QRSL1: variants seen among roughly 807,000 people sequenced by gnomAD.
QRSL1 encodes the protein glutamyl-tRNA(Gln) amidotransferase subunit A, mitochondrial.
A neutral mutation model predicts 61.6 loss-of-function variants in QRSL1; 54 were observed. The ratio of observed to expected loss-of-function variants is 0.88; its 90% CI spans 0.70 to 1.10. QRSL1 has a LOEUF of 1.10. QRSL1 is among the 50% of genes least tolerant of loss of function. QRSL1 has a pLI of 0.00. For missense variants in QRSL1, 505 were observed against 622.6 expected, an observed-to-expected ratio of 0.81 and a Z score of 2.01; for synonymous variants, 228 against 225.7, an observed-to-expected ratio of 1.01 and a Z score of -0.09.
intron 4 of QRSL1, among the ~76,000 whole-genome samples, chr6:106,647,027 C>CAAAAAAAAA (rs57402820): frequency 1.2e-5 from 1 of 81,450 alleles, no homozygotes; most frequent in Non-Finnish European, 2.3e-5. Context: ...GACTCCTTCT[C>CAAAAAAAAA]AAAAAAAAAA....
chr6:106,666,043 G>C lies in QRSL1; in HGVS notation c.*41G>C, dbSNP rs1777428581. Reference sequence around the variant, plus strand: ...TAAAATGACTTTTAGGCTGGGTGCAGTGGCTCACACCTGTAATCCCAGCAC... The same window carrying C: ...TAAAATGACTTTTAGGCTGGGTGCACTGGCTCACACCTGTAATCCCAGCAC... On this transcript the variant is annotated 3_prime_UTR_variant, in exon 11 of 11. Transcript: ENST00000369046. 2 of 1,534,518 alleles carry C rather than the reference G, an allele frequency of 1.3e-6. No homozygotes were observed. Among genetic ancestry groups the C allele is most frequent in the African/African-American group, 2.7e-5 (2 of 73,432 alleles).
intron 1 of QRSL1, among the ~76,000 whole-genome samples, chr6:106,635,133 T>C (rs1298753853): frequency 6.8e-6 from 1 of 147,648 alleles, no homozygotes; most frequent in Non-Finnish European, 1.5e-5. Context: ...TTGGCCAGAG[T>C]GTAGAAGATA....
At chr6:106,645,414 T>C (rs1562167341) in intron 4 of QRSL1, among the ~76,000 whole-genome samples, 2 of 151,996 alleles carry the variant, frequency 1.3e-5, no homozygotes, top group Admixed American at 6.6e-5. Flanking sequence ...TATTCGTGTG[T>C]TTTATGTTTC....
intron 1 of QRSL1, among the ~76,000 whole-genome samples, chr6:106,633,265 A>G (rs1776865858): frequency 6.6e-6 from 1 of 152,148 alleles, no homozygotes; most frequent in Non-Finnish European, 1.5e-5. Context: ...TTTCCACATC[A>G]CTGTACTGTT....
intron 5 of QRSL1, among the ~76,000 whole-genome samples, chr6:106,650,555 GTTTACCCCTTTTTGA>G: frequency 6.6e-6 from 1 of 151,332 alleles, no homozygotes; most frequent in East Asian, 1.9e-4. Context: ...TTTTTGATTT[GTTTACCCCTTTTTGA>G]TTTGTTTCTT....
rs1381978370 is a variant in QRSL1 at position 106,667,483 on chromosome 6, T to C, written c.*1481T>C. 5 of 152,218 alleles carry C rather than the reference T, an allele frequency of 3.3e-5. No homozygotes were observed. The highest frequency in any genetic ancestry group is 1.2e-4 in the African/African-American group (5 of 41,456). The allele number at this position is 152,218 out of a possible 1,614,324, so 9.4% of individuals were successfully genotyped here. ...CAGGTATTTTAATCTAGCACTTACA[T>C]ATTGTTGATAAATGAAAGCTGAATT... On this transcript the variant is annotated 3_prime_UTR_variant, in exon 11 of 11. Transcript: ENST00000369046.
intron 4 of QRSL1, among the ~76,000 whole-genome samples, chr6:106,643,946 G>T (rs371913063): frequency 1.3e-5 from 2 of 149,252 alleles, no homozygotes; most frequent in Non-Finnish European, 3.0e-5. Context: ...ATCTCGGCTC[G>T]CTGCAGCCTC....
intron 9 of QRSL1, among the ~76,000 whole-genome samples, chr6:106,661,423 C>A (rs1450038037): frequency 1.3e-5 from 2 of 151,826 alleles, no homozygotes; most frequent in African/African-American, 2.4e-5. Flanking sequence ...AGTATTTGTT[C>A]TTTATAAAAT....
chr6:106,636,839 A>G (rs1179723934), intron 1 of QRSL1, among the ~76,000 whole-genome samples: 83 of 152,124 alleles, frequency 5.5e-4, no homozygotes, highest in Non-Finnish European at 5.9e-5. Context: ...CCCTTCCTTT[A>G]CTTTCTAAGA....
At chr6:106,632,674 A>G (rs1776857198) in intron 1 of QRSL1, among the ~76,000 whole-genome samples, 1 of 152,206 alleles carries the variant, frequency 6.6e-6, no homozygotes, top group Non-Finnish European at 1.5e-5. Context: ...ATGATATCTC[A>G]TTGTAGTTTT....
At chr6:106,644,170 C>A (rs1562166930) in intron 4 of QRSL1, among the ~76,000 whole-genome samples, 1 of 152,148 alleles carries the variant, frequency 6.6e-6, no homozygotes, top group East Asian at 1.9e-4. Flanking sequence ...CCACGCCCGG[C>A]CTTCTTTTCT....
At chr6:106,639,447 A>G (rs1355563908) in intron 1 of QRSL1, among the ~76,000 whole-genome samples, 3 of 152,162 alleles carry the variant, frequency 2.0e-5, no homozygotes, top group African/African-American at 7.2e-5. Flanking sequence ...TAAGGGTTAA[A>G]TGAAGTAATA....
intron 9 of QRSL1, among the ~76,000 whole-genome samples, chr6:106,661,577 A>AC (rs1777355772): frequency 6.6e-6 from 1 of 151,910 alleles, no homozygotes; most frequent in South Asian, 2.1e-4. Flanking sequence ...CTTTTAGAGT[A>AC]AAACATATTT....
intron 7 of QRSL1, chr6:106,652,982 A>T: frequency 2.5e-6 from 1 of 406,578 alleles, no homozygotes. Context: ...ATTTTCAAAA[A>T]CCAGCTGGCT....
intron 1 of QRSL1, among the ~76,000 whole-genome samples, chr6:106,639,858 C>T (rs552575532): frequency 6.6e-6 from 1 of 152,076 alleles, no homozygotes; most frequent in Non-Finnish European, 1.5e-5. Context: ...ATAAGCATTT[C>T]TCTTAATTCA....
chr6:106,633,438 T>A (rs1478828945), intron 1 of QRSL1, among the ~76,000 whole-genome samples: 1 of 152,154 alleles, frequency 6.6e-6, no homozygotes, highest in African/African-American at 2.4e-5. Context: ...TTAATTGAGA[T>A]AATCAGTTGA....
intron 1 of QRSL1, chr6:106,639,960 T>C: frequency 6.3e-6 from 1 of 158,936 alleles, no homozygotes; most frequent in Non-Finnish European, 1.4e-5. Flanking sequence ...TTCACTTCTC[T>C]TTTTTTCTCT....
intron 1 of QRSL1, among the ~76,000 whole-genome samples, chr6:106,633,538 A>C (rs1407438639): frequency 1.3e-5 from 2 of 152,190 alleles, no homozygotes; most frequent in Non-Finnish European, 2.9e-5. Flanking sequence ...TGGTAACAGG[A>C]GTCCTGGGAA....
At chr6:106,652,615 A>G in intron 7 of QRSL1, 33 bp downstream of exon 7, 1 of 1,613,662 alleles carries the variant, frequency 6.2e-7, no homozygotes, top group South Asian at 1.1e-5. Flanking sequence ...TTACAGAAAT[A>G]CTGTCAAGTC....
Sources: allele counts gnomAD v4.1 joint callset (sites outside exome capture counted in the v4.1 genomes callset), GRCh38; gene constraint gnomAD v4.1.1; transcripts MANE v1.5; gene names NCBI Gene and HGNC (gene_info 2026-07-23, HGNC 2026-07-21).